The following TOP6BL variants were observed in gnomAD, a reference collection of about 807,000 sequenced individuals.
TOP6BL encodes type 2 DNA topoisomerase 6 subunit B-like.
At chr11:66,828,977 T>TTC in the TOP6BL span, among the ~76,000 whole-genome samples, 1 of 144,216 alleles carries the variant, frequency 6.9e-6, no homozygotes, top group Non-Finnish European at 1.5e-5. Flanking sequence ...TGTTTTTTGT[T>TTC]TTTTTTTTTT....
the TOP6BL span, among the ~76,000 whole-genome samples, chr11:66,792,415 A>T: frequency 6.6e-6 from 1 of 152,206 alleles, no homozygotes; most frequent in African/African-American, 2.4e-5. Flanking sequence ...GAGTGAGTAA[A>T]TGCATATATT....
the TOP6BL span, among the ~76,000 whole-genome samples, chr11:66,800,004 C>T: frequency 1.6e-3 from 245 of 150,866 alleles, 1 homozygote; most frequent in African/African-American, 5.9e-3. Flanking sequence ...TCACTTGAGC[C>T]TGGGAGACCA....
chr11:66,790,844 A>G, the TOP6BL span, among the ~76,000 whole-genome samples: 2 of 152,146 alleles, frequency 1.3e-5, no homozygotes, highest in South Asian at 4.1e-4. Flanking sequence ...TTGGATATGG[A>G]TGTCAGTCAA....
At chr11:66,788,352 G>C in the TOP6BL span, 7 of 1,079,100 alleles carry the variant, frequency 6.5e-6, no homozygotes, top group Non-Finnish European at 9.4e-6. Context: ...GAAAAGCCTA[G>C]GTCCATCAAA....
the TOP6BL span, chr11:66,762,430 C>T: frequency 6.3e-6 from 2 of 316,866 alleles, no homozygotes; most frequent in South Asian, 2.8e-5. Context: ...TGTGCGGATG[C>T]AAAGGACAAC....
At chr11:66,828,360 A>G in the TOP6BL span, 1 of 1,608,706 alleles carries the variant, frequency 6.2e-7, no homozygotes, top group African/African-American at 1.3e-5. Flanking sequence ...TGTGAGGTGA[A>G]GCAGGTAAGT....
chr11:66,775,767 A>G, the TOP6BL span, among the ~76,000 whole-genome samples: 146,085 of 152,260 alleles, frequency 0.96, 70,271 homozygotes, highest in Middle Eastern at 1. Flanking sequence ...GGAAACGAGG[A>G]CCTGGGGCTT....
At chr11:66,831,687 ATG>A in the TOP6BL span, among the ~76,000 whole-genome samples, 18 of 152,280 alleles carry the variant, frequency 1.2e-4, no homozygotes, top group Admixed American at 3.9e-4. Context: ...AGGTATGCAC[ATG>A]TGTACTTAAA....
the TOP6BL span, chr11:66,744,896 G>C: frequency 3.1e-6 from 4 of 1,277,796 alleles, no homozygotes; most frequent in East Asian, 6.2e-5. Context: ...CGGCATGGAG[G>C]GGACGGCCGT....
the TOP6BL span, chr11:66,804,293 T>C: frequency 6.1e-6 from 6 of 978,490 alleles, no homozygotes; most frequent in Middle Eastern, 6.5e-4. Context: ...TCTACAAATA[T>C]ATATGATTTG....
At chr11:66,788,154 A>C in the TOP6BL span, 35 of 1,590,684 alleles carry the variant, frequency 2.2e-5, no homozygotes, top group African/African-American at 4.6e-4. Context: ...ATTTCTTCTC[A>C]CACAGAAATA....
the TOP6BL span, among the ~76,000 whole-genome samples, chr11:66,772,870 C>T: frequency 6.6e-6 from 1 of 152,306 alleles, no homozygotes; most frequent in South Asian, 2.1e-4. Context: ...ATACTGGCCT[C>T]ATAGAATGAC....
At chr11:66,793,436 C>CTTT in the TOP6BL span, among the ~76,000 whole-genome samples, 1 of 121,162 alleles carries the variant, frequency 8.3e-6, no homozygotes, top group African/African-American at 3.0e-5. Context: ...ATAATTTTTT[C>CTTT]TTTTTTTGTT....
chr11:66,744,945 G>A, the TOP6BL span: 1 of 1,249,360 alleles, frequency 8.0e-7, no homozygotes, highest in Non-Finnish European at 1.0e-6. Context: ...GAGAGAAAGC[G>A]GAGGACACTT....
At chr11:66,800,702 T>G in the TOP6BL span, 3 of 1,596,534 alleles carry the variant, frequency 1.9e-6, no homozygotes, top group Middle Eastern at 3.3e-4. Context: ...TTTGGGTAAG[T>G]TCTTAGGTCT....
chr11:66,840,067 G>C, the TOP6BL span, among the ~76,000 whole-genome samples: 4 of 152,274 alleles, frequency 2.6e-5, no homozygotes, highest in Non-Finnish European at 5.9e-5. Flanking sequence ...GGAACCCCTG[G>C]AGGATGGCTT....
chr11:66,778,085 TTTTC>T, the TOP6BL span, among the ~76,000 whole-genome samples: 1 of 151,856 alleles, frequency 6.6e-6, no homozygotes. Flanking sequence ...TGTCTTTTTC[TTTTC>T]TTTCTTTTTT....
At chr11:66,791,824 T>C in the TOP6BL span, among the ~76,000 whole-genome samples, 2 of 151,650 alleles carry the variant, frequency 1.3e-5, no homozygotes. Context: ...AATAATTTTT[T>C]TTTTTTTTTT....
At chr11:66,805,637 T>G in the TOP6BL span, among the ~76,000 whole-genome samples, 1 of 152,102 alleles carries the variant, frequency 6.6e-6, no homozygotes, top group Non-Finnish European at 1.5e-5. Context: ...GCATTTTTGG[T>G]AGAGACAGAG....
Sources: allele counts gnomAD v4.1 joint callset (sites outside exome capture counted in the v4.1 genomes callset), GRCh38; gene constraint gnomAD v4.1.1; transcripts MANE v1.5; gene names NCBI Gene and HGNC (gene_info 2026-07-23, HGNC 2026-07-21).